The following BRWD3 variants were observed in gnomAD, a reference collection of about 807,000 sequenced individuals.
BRWD3 encodes bromodomain and WD repeat-containing protein 3.
In BRWD3, 10 loss-of-function variants were observed where a neutral mutation model predicts 149.7. That is an observed-to-expected ratio of 0.07 (90% CI 0.04 to 0.11). The LOEUF is 0.11. Ranked by LOEUF, BRWD3 falls within the 10% of genes least tolerant of loss-of-function variation. The pLI, the probability that BRWD3 is intolerant of heterozygous loss-of-function variation, is 1.00. For missense variants in BRWD3, 940 were observed against 1,373.2 expected (o/e 0.68, Z 4.99); for synonymous variants, 504 against 456.7 (o/e 1.10, Z -1.32).
intron 6 of BRWD3, among the ~76,000 whole-genome samples, chrX:80,779,880 T>C (rs1333419936): frequency 3.6e-5 from 4 of 111,518 alleles, no homozygotes; most frequent in African/African-American, 1.3e-4. Context: ...CAATCCACAG[T>C]AAAACTTAAA....
chrX:80,733,576 G>A, intron 11 of BRWD3, 80 bp from the exon 12 acceptor site: 1 of 769,522 alleles, frequency 1.3e-6, no homozygotes, highest in Non-Finnish European at 1.9e-6. Flanking sequence ...AAATTCATAG[G>A]CAAAAACATC....
rs1437816368 is a variant in BRWD3, at chrX:80,675,560, T to C, written c.*1049A>G. The C allele has an allele frequency of 8.9e-6, 1 of 111,975 alleles. No individual in the cohort carries two copies. Among genetic ancestry groups the C allele is most frequent in the African/African-American group, 3.2e-5 (1 of 30,853 alleles). 9.2% of individuals were successfully genotyped at this position (111,975 alleles called of 1,213,427 possible). On this transcript the variant is annotated 3_prime_UTR_variant, in exon 41 of 41. Coordinates refer to ENST00000373275, the MANE Select transcript of BRWD3 (RefSeq NM_153252.5). The stretch of plus-strand genomic sequence containing the variant: ...TTATTAATTTGAGAGCCAATACAAT[T>C]ATTAACAACCTCTCAGCTTATAACT...
intron 24 of BRWD3, among the ~76,000 whole-genome samples, chrX:80,701,076 T>C (rs1008219386): frequency 9.0e-6 from 1 of 111,217 alleles, no homozygotes; most frequent in Non-Finnish European, 1.9e-5. Flanking sequence ...AATCACAGGT[T>C]ACTAAATGGA....
chrX:80,686,450 A>C (rs1602304285), intron 35 of BRWD3, among the ~76,000 whole-genome samples: 1 of 108,544 alleles, frequency 9.2e-6, no homozygotes, highest in South Asian at 3.9e-4. Flanking sequence ...TAAATTAAAA[A>C]AAAGTAAAGA....
At chrX:80,706,642 C>A (rs1000457865) in intron 22 of BRWD3, among the ~76,000 whole-genome samples, 11 of 112,100 alleles carry the variant, frequency 9.8e-5, no homozygotes, top group African/African-American at 3.6e-4. Flanking sequence ...ATAATGCCTT[C>A]TTCTGGAATA....
At chrX:80,795,530 T>C (rs2074229937) in intron 4 of BRWD3, among the ~76,000 whole-genome samples, 1 of 109,396 alleles carries the variant, frequency 9.1e-6, no homozygotes, top group Admixed American at 9.9e-5. Context: ...TACATATATG[T>C]GTGTATATAT....
intron 6 of BRWD3, among the ~76,000 whole-genome samples, chrX:80,752,077 ATCACAGC>A (rs2147800766): frequency 9.3e-6 from 1 of 107,517 alleles, no homozygotes; most frequent in South Asian, 4.2e-4. Flanking sequence ...CAGTGGCACT[ATCACAGC>A]TCACTGCAGC....
At chrX:80,744,415 T>C (rs764124945) in intron 7 of BRWD3, among the ~76,000 whole-genome samples, 162 bp from the exon 8 acceptor site, 16 of 112,335 alleles carry the variant, frequency 1.4e-4, no homozygotes, top group African/African-American at 4.5e-4. Context: ...GTATAAATGA[T>C]GTCCAAATGA....
chrX:80,683,978 T>C (rs1468733509), intron 37 of BRWD3, 32 bp downstream of exon 37: 19 of 1,188,475 alleles, frequency 1.6e-5, no homozygotes, highest in Non-Finnish European at 2.1e-5. Flanking sequence ...TAAAGAAAAC[T>C]GCCTGATAAT....
chrX:80,711,566 C>G (rs1472909905), intron 20 of BRWD3, among the ~76,000 whole-genome samples: 1 of 111,598 alleles, frequency 9.0e-6, no homozygotes. Context: ...GAGAATCAAC[C>G]AAAAGTCTGG....
Position 80,793,687 on chromosome X carries a change from T to C in BRWD3, c.266A>G (p.Gln89Arg). 1.3e-5 allele frequency: 16 copies of C among 1,208,277 alleles called. No homozygotes were observed. The highest frequency in any genetic ancestry group is 1.8e-5 in the Non-Finnish European group (16 of 892,298). ...IGPLLDKEIP[Q>R]SVPGVQTLLG... Reference sequence around the variant, plus strand: ...TAATGTCTGTACCCCAGGAACACTCTGAGGGATCTCTTTATCTAGTAAAGG... The same window carrying C: ...TAATGTCTGTACCCCAGGAACACTCCGAGGGATCTCTTTATCTAGTAAAGG... The change falls in exon 5 of 41, where the codon CAG becomes CGG. Residue 89 changes from glutamine to arginine, a missense_variant. This residue lies in a region of BRWD3 where 105 missense variants were observed against 127.7 expected (regional missense o/e 0.82). Transcript: ENST00000373275.
intron 12 of BRWD3, among the ~76,000 whole-genome samples, chrX:80,732,555 G>A (rs993570492): frequency 1.8e-5 from 2 of 110,748 alleles, no homozygotes; most frequent in African/African-American, 3.3e-5. Flanking sequence ...AAAGGACAGG[G>A]AGAAGAGAAT....
intron 16 of BRWD3, 103 bp from the exon 17 acceptor site, chrX:80,722,890 T>C: frequency 2.9e-6 from 2 of 700,470 alleles, no homozygotes; most frequent in Non-Finnish European, 2.2e-6. Context: ...AGAGAATCTT[T>C]TGCATACTCT....
chrX:80,685,772 C>A (rs751382352), intron 35 of BRWD3, among the ~76,000 whole-genome samples: 110 of 111,797 alleles, frequency 9.8e-4, no homozygotes, highest in Non-Finnish European at 1.7e-3. Flanking sequence ...AACACAATCT[C>A]GTTCCTTACT....
At chrX:80,782,724 C>A (rs1461658842) in intron 6 of BRWD3, among the ~76,000 whole-genome samples, 3 of 110,121 alleles carry the variant, frequency 2.7e-5, no homozygotes, top group African/African-American at 6.6e-5. Flanking sequence ...CACAGTGAGA[C>A]CCTATCTCTA....
intron 22 of BRWD3, among the ~76,000 whole-genome samples, chrX:80,706,311 G>A (rs1340655372): frequency 9.0e-6 from 1 of 111,213 alleles, no homozygotes; most frequent in African/African-American, 3.3e-5. Flanking sequence ...GTTTTACCAT[G>A]TTGGCCAGGC....
At chrX:80,741,980 T>C (rs1299082617) in intron 8 of BRWD3, among the ~76,000 whole-genome samples, 1 of 111,762 alleles carries the variant, frequency 8.9e-6, no homozygotes, top group African/African-American at 3.3e-5. Context: ...CATGAAGTCC[T>C]TGCCCATGCC....
At chrX:80,805,868 G>A (rs775578171) in intron 4 of BRWD3, among the ~76,000 whole-genome samples, 63 of 111,229 alleles carry the variant, frequency 5.7e-4, no homozygotes, top group African/African-American at 2.0e-3. Context: ...CTGGGAGGCG[G>A]AGGTTGCAGT....
chrX:80,676,550 T>C lies in BRWD3; in HGVS notation c.*59A>G. 1 of 1,177,251 alleles carries C rather than the reference T, an allele frequency of 8.5e-7. No homozygotes were observed. The highest frequency in any genetic ancestry group is 1.2e-6 in the Non-Finnish European group (1 of 869,224). ...ACAACTTGCTTTGTAGATTTCCTGG[T>C]AAATTCCCTGCAGTAGAAGGCCATT... On this transcript the variant is annotated 3_prime_UTR_variant, in exon 41 of 41. Transcript: ENST00000373275.
Sources: allele counts gnomAD v4.1 joint callset (sites outside exome capture counted in the v4.1 genomes callset), GRCh38; gene constraint gnomAD v4.1.1; regional missense constraint gnomAD v4.1.1; transcripts MANE v1.5; gene names NCBI Gene and HGNC (gene_info 2026-07-23, HGNC 2026-07-21).